ZCCHC14: variants seen among roughly 807,000 people sequenced by gnomAD.
ZCCHC14 encodes the protein zinc finger CCHC-type containing 14.
A neutral mutation model predicts 85.0 loss-of-function variants in ZCCHC14; 16 were observed. That is an observed-to-expected ratio of 0.19 (90% CI 0.13 to 0.29). The LOEUF is 0.29. Ranked by LOEUF, ZCCHC14 falls within the 10% of genes least tolerant of loss-of-function variation. The probability of loss-of-function intolerance (pLI) is 1.00; values close to 1 mark genes in which losing one functional copy is unlikely to be tolerated. For synonymous variants in ZCCHC14, 775 were observed against 630.7 expected, an observed-to-expected ratio of 1.23 and a Z score of -3.43; for missense variants, 1,303 against 1,443.5, an observed-to-expected ratio of 0.90 and a Z score of 1.58.
chr16:87,459,649 A>G (rs1470711016), intron 2 of ZCCHC14, among the ~76,000 whole-genome samples: 1 of 151,842 alleles, frequency 6.6e-6, no homozygotes, highest in Non-Finnish European at 1.5e-5. Flanking sequence ...AGCTGGGATT[A>G]CAGATGCCCG....
At position 87,410,074 on chromosome 16, in the gene ZCCHC14, G is replaced by A; in HGVS notation, c.*206C>T. 2.2e-6 allele frequency: 1 copy of A among 455,440 alleles called. No homozygotes were observed. The highest frequency in any genetic ancestry group is 3.9e-6 in the Non-Finnish European group (1 of 257,996). The allele number at this position is 455,440 out of a possible 1,614,324, so 28.2% of individuals were successfully genotyped here. On this transcript the variant is annotated 3_prime_UTR_variant, in exon 13 of 13. Coordinates refer to ENST00000671377, the MANE Select transcript of ZCCHC14 (RefSeq NM_015144.3). ...AGCCACAGAGATGCCCACTAGGCGA[G>A]TTCTGACACCAAGCTCCAATCTAGG...
Position 87,413,039 on chromosome 16 carries a change from G to C in ZCCHC14, c.1744+16C>G. On this transcript the variant is annotated intron_variant, in intron 11 of 12. Coordinates refer to ENST00000671377, the MANE Select transcript of ZCCHC14 (RefSeq NM_015144.3). The stretch of plus-strand genomic sequence containing the variant: ...AGCTGGGCCAGGTCGAGCCAGCGCC[G>C]CGCACGTGCCCTTACGTCTGTCATT... 1 of 1,614,160 alleles carries C rather than the reference G, an allele frequency of 6.2e-7. No individual in the cohort carries two copies. The highest frequency in any genetic ancestry group is 8.5e-7 in the Non-Finnish European group (1 of 1,180,036).
At chr16:87,438,787 G>C (rs929135636) in intron 2 of ZCCHC14, among the ~76,000 whole-genome samples, 13 of 152,022 alleles carry the variant, frequency 8.6e-5, no homozygotes, top group African/African-American at 2.9e-4. Flanking sequence ...GCCCACCGTC[G>C]GCACTGCCCC....
intron 2 of ZCCHC14, among the ~76,000 whole-genome samples, chr16:87,434,600 C>G (rs771751363): frequency 6.6e-6 from 1 of 152,182 alleles, no homozygotes; most frequent in Non-Finnish European, 1.5e-5. Flanking sequence ...ACCCAAAGAC[C>G]GCCTGGTCTC....
intron 2 of ZCCHC14, among the ~76,000 whole-genome samples, chr16:87,448,064 T>C (rs117959343): frequency 0.016 from 2,472 of 152,312 alleles, 25 homozygotes; most frequent in Middle Eastern, 0.044. Flanking sequence ...TTAATATATG[T>C]GTAATCTACT....
chr16:87,437,291 T>G (rs1478144541), intron 2 of ZCCHC14, among the ~76,000 whole-genome samples: 2 of 140,574 alleles, frequency 1.4e-5, no homozygotes, highest in African/African-American at 5.4e-5. Context: ...AGCTGAGATT[T>G]GCGCCATTGC....
chr16:87,484,140 A>G (rs1401683761), intron 1 of ZCCHC14, among the ~76,000 whole-genome samples: 1 of 152,200 alleles, frequency 6.6e-6, no homozygotes, highest in Admixed American at 6.5e-5. Context: ...CTATCTGCAA[A>G]GAGGGGAACT....
chr16:87,464,546 A>C (rs1490886762), intron 1 of ZCCHC14, among the ~76,000 whole-genome samples: 1 of 152,086 alleles, frequency 6.6e-6, no homozygotes, highest in Non-Finnish European at 1.5e-5. Context: ...CCACAACCAC[A>C]ACTGGAAGGG....
intron 2 of ZCCHC14, among the ~76,000 whole-genome samples, chr16:87,455,164 T>G (rs891072350): frequency 6.6e-6 from 1 of 152,260 alleles, no homozygotes; most frequent in South Asian, 2.1e-4. Context: ...GGCACATGCC[T>G]GTAATCCCAG....
intron 1 of ZCCHC14, among the ~76,000 whole-genome samples, chr16:87,462,120 TA>T (rs11431342): frequency 6.6e-4 from 92 of 139,524 alleles, no homozygotes; most frequent in Middle Eastern, 7.5e-3. Flanking sequence ...TCTAAAAAAG[TA>T]AAAAAAAAAA....
chr16:87,460,265 A>G, intron 1 of ZCCHC14, 134 bp from the exon 2 acceptor site: 1 of 1,194,704 alleles, frequency 8.4e-7, no homozygotes, highest in Non-Finnish European at 1.1e-6. Flanking sequence ...TATAATAATA[A>G]GCCTTCCCCA....
intron 1 of ZCCHC14, among the ~76,000 whole-genome samples, chr16:87,486,826 G>A (rs1273684283): frequency 1.3e-5 from 2 of 152,192 alleles, no homozygotes; most frequent in African/African-American, 2.4e-5. Flanking sequence ...CTGCCCAGGA[G>A]AACAAGTGTT....
At chr16:87,475,932 C>A (rs1005513316) in intron 1 of ZCCHC14, among the ~76,000 whole-genome samples, 1 of 151,990 alleles carries the variant, frequency 6.6e-6, no homozygotes, top group Admixed American at 6.6e-5. Flanking sequence ...ATTCAATAAA[C>A]ACTTGGACAC....
At chr16:87,483,932 G>A (rs932640212) in intron 1 of ZCCHC14, among the ~76,000 whole-genome samples, 2 of 152,174 alleles carry the variant, frequency 1.3e-5, no homozygotes, top group Non-Finnish European at 2.9e-5. Flanking sequence ...ATAATACGAT[G>A]GAACAAAATG....
At chr16:87,485,607 A>G (rs1283141534) in intron 1 of ZCCHC14, among the ~76,000 whole-genome samples, 5 of 143,972 alleles carry the variant, frequency 3.5e-5, no homozygotes, top group African/African-American at 8.0e-5. Context: ...AAAAAAAAAA[A>G]GAAGAAGAAT....
rs571687744 is a variant in ZCCHC14 at position 87,491,080 on chromosome 16, G to A, written c.570+589C>T. The stretch of plus-strand genomic sequence containing the variant: ...CCAGATTTGGGGAAACCAAGGCGCC[G>A]CAATGTGTGTTATCTGTCACCCAAG... On this transcript the variant is annotated intron_variant, in intron 1 of 12. Transcript: ENST00000671377. The surrounding 1 kb of genome is among the most constrained non-coding windows in gnomAD (Gnocchi z 5.9). Among the ~76,000 whole-genome samples the A allele has an allele frequency of 2.3e-4, 35 of 152,352 alleles. No individual in the cohort carries two copies. In the South Asian group the frequency reaches 5.2e-3, roughly 23 times the overall value.
intron 2 of ZCCHC14, among the ~76,000 whole-genome samples, chr16:87,442,583 T>A (rs1042228078): frequency 1.3e-5 from 2 of 151,652 alleles, no homozygotes; most frequent in African/African-American, 2.4e-5. Flanking sequence ...GAAAAAAAAA[T>A]TAAAACTTTA....
chr16:87,416,490 G>C (rs1004315487), intron 8 of ZCCHC14, among the ~76,000 whole-genome samples: 2 of 152,056 alleles, frequency 1.3e-5, no homozygotes, highest in African/African-American at 4.8e-5. Context: ...AGGCGCGGTG[G>C]CTCATGCCTG....
At chr16:87,484,834 G>A (rs1401721008) in intron 1 of ZCCHC14, among the ~76,000 whole-genome samples, 1 of 152,100 alleles carries the variant, frequency 6.6e-6, no homozygotes, top group Admixed American at 6.5e-5. Context: ...ATGGTTCTCT[G>A]TTTATGGGTC....
Sources: allele counts gnomAD v4.1 joint callset (sites outside exome capture counted in the v4.1 genomes callset), GRCh38; gene constraint gnomAD v4.1.1; non-coding constraint Gnocchi (gnomAD v3.1); transcripts MANE v1.5; gene names NCBI Gene and HGNC (gene_info 2026-07-23, HGNC 2026-07-21).